CCSER1: variants seen among roughly 807,000 people sequenced by gnomAD.
CCSER1 encodes the protein serine-rich coiled-coil domain-containing protein 1.
Under a neutral mutation model 82.0 loss-of-function variants are expected in CCSER1, and 41 were observed. That is an observed-to-expected ratio of 0.50 (90% CI 0.39 to 0.65). The LOEUF (loss-of-function observed/expected upper bound fraction) is 0.65. Ranked by LOEUF, CCSER1 falls within the 30% of genes least tolerant of loss-of-function variation. The pLI, the probability that CCSER1 is intolerant of heterozygous loss-of-function variation, is 0.00. For synonymous variants in CCSER1, 414 were observed against 383.9 expected (o/e 1.08, Z -0.92); for missense variants, 1,119 against 1,064.2 (o/e 1.05, Z -0.72).
Position 91,302,122 on chromosome 4 carries a change from T to C in CCSER1, c.2217+216128T>C, listed in dbSNP as rs369052314. On this transcript the variant is annotated intron_variant, in intron 10 of 10. Transcript: ENST00000509176. ...AATTTGAATCACCAGTACTGACCTC[T>C]TCCCAAACTCTAGGCATATATTGAA... 1.5e-4 allele frequency among the ~76,000 whole-genome samples: 23 copies of C among 152,154 alleles called. No individual in the cohort carries two copies. The East Asian group carries it at 4.5e-3, about 30-fold the overall frequency.
intron 1 of CCSER1, among the ~76,000 whole-genome samples, chr4:90,149,538 T>A (rs1042892033): frequency 7.9e-5 from 12 of 152,124 alleles, no homozygotes; most frequent in African/African-American, 2.9e-4. Context: ...TCTAAGACAA[T>A]CTCAACATTC....
chr4:91,038,575 A>C (rs1008834727), intron 9 of CCSER1, among the ~76,000 whole-genome samples: 2 of 152,202 alleles, frequency 1.3e-5, no homozygotes, highest in African/African-American at 2.4e-5. Flanking sequence ...ACAACAATTA[A>C]TTTTAATGAC....
At chr4:91,331,937 T>C (rs1222975251) in intron 10 of CCSER1, among the ~76,000 whole-genome samples, 1 of 152,124 alleles carries the variant, frequency 6.6e-6, no homozygotes, top group African/African-American at 2.4e-5. Flanking sequence ...AACAAAGCTG[T>C]TTTCATCACC....
At position 90,651,547 on chromosome 4, in the gene CCSER1, G is replaced by T. The variant is rs1728741621; in HGVS notation, c.1932+23315G>T. 2.0e-5 allele frequency among the ~76,000 whole-genome samples: 3 copies of T among 152,226 alleles called. 1 individual carries two copies. The South Asian group carries it at 6.2e-4, about 32-fold the overall frequency. On this transcript the variant is annotated intron_variant, in intron 6 of 10. Transcript: ENST00000509176. Reference sequence around the variant, plus strand: ...CACACCGGGGTCTGTCAGGTGGTGGGGGATAGGGGAGGGATAGCATTAGGA... The same window carrying T: ...CACACCGGGGTCTGTCAGGTGGTGGTGGATAGGGGAGGGATAGCATTAGGA...
At chr4:90,830,524 GATGGTT>G (rs1435590320) in intron 8 of CCSER1, among the ~76,000 whole-genome samples, 1 of 152,136 alleles carries the variant, frequency 6.6e-6, no homozygotes, top group Non-Finnish European at 1.5e-5. Flanking sequence ...CAGTCAATTT[GATGGTT>G]ATGGGGATTT....
At chr4:90,912,658 GA>G (rs1183643731) in intron 8 of CCSER1, among the ~76,000 whole-genome samples, 2 of 152,200 alleles carry the variant, frequency 1.3e-5, no homozygotes, top group African/African-American at 4.8e-5. Context: ...GACGAGCTGA[GA>G]GAAGAAGGCT....
intron 1 of CCSER1, among the ~76,000 whole-genome samples, chr4:90,148,564 G>C (rs748856416): frequency 9.2e-5 from 14 of 152,140 alleles, no homozygotes; most frequent in Non-Finnish European, 1.3e-4. Context: ...AGAAGGATCA[G>C]AGAGATAGGA....
At chr4:91,456,096 C>A (rs1756152573) in intron 10 of CCSER1, among the ~76,000 whole-genome samples, 1 of 152,002 alleles carries the variant, frequency 6.6e-6, no homozygotes, top group Admixed American at 6.6e-5. Context: ...TTATTTCTCC[C>A]AGTTCTGGAG....
intron 9 of CCSER1, among the ~76,000 whole-genome samples, chr4:90,954,275 G>A (rs553703986): frequency 3.3e-5 from 5 of 151,988 alleles, no homozygotes; most frequent in Non-Finnish European, 5.9e-5. Flanking sequence ...AAAAGATTCT[G>A]TAATACAATT....
At chr4:90,810,814 G>C (rs1002349446) in intron 7 of CCSER1, among the ~76,000 whole-genome samples, 1 of 150,172 alleles carries the variant, frequency 6.7e-6, no homozygotes, top group African/African-American at 2.4e-5. Flanking sequence ...AATCTTTCTA[G>C]TGAAATAAAG....
intron 8 of CCSER1, among the ~76,000 whole-genome samples, chr4:90,892,885 C>A (rs1717485120): frequency 6.6e-6 from 1 of 151,884 alleles, no homozygotes; most frequent in Non-Finnish European, 1.5e-5. Context: ...ATGAATTTTT[C>A]TTTTCTTTGT....
At chr4:90,666,236 A>G (rs1053077141) in intron 6 of CCSER1, among the ~76,000 whole-genome samples, 9 of 152,318 alleles carry the variant, frequency 5.9e-5, no homozygotes, top group South Asian at 2.1e-4. Context: ...TGGATAATCT[A>G]TTTTAAAGTT....
intron 10 of CCSER1, among the ~76,000 whole-genome samples, chr4:91,190,545 C>A (rs753034895): frequency 6.6e-6 from 1 of 152,030 alleles, no homozygotes; most frequent in Non-Finnish European, 1.5e-5. Flanking sequence ...TTCCACAAAG[C>A]CTGACTTTCA....
intron 9 of CCSER1, among the ~76,000 whole-genome samples, chr4:91,047,725 C>T (rs73834747): frequency 0.044 from 6,637 of 152,140 alleles, 435 homozygotes; most frequent in African/African-American, 0.14. Flanking sequence ...AGTTCTTATT[C>T]TCAGAGGCCA....
In CCSER1 at chr4:90,399,757, G is replaced by A. The variant is rs1219834137; in HGVS notation, c.1510-279G>A. 4.6e-5 allele frequency among the ~76,000 whole-genome samples: 7 copies of A among 151,744 alleles called. No individual in the cohort carries two copies. In the East Asian group the frequency reaches 1.2e-3, roughly 25 times the overall value. ...TAATATCTTTCATATCTGCCCATAT[G>A]TACTTCCATTTAATTATAAGTTACA... is the stretch of plus-strand genomic sequence containing the variant. On this transcript the variant is annotated intron_variant, in intron 3 of 10. Transcript: ENST00000509176.
chr4:91,554,521 T>A (rs1011511397), intron 10 of CCSER1, among the ~76,000 whole-genome samples: 1 of 151,142 alleles, frequency 6.6e-6, no homozygotes, highest in African/African-American at 2.4e-5. Context: ...CACTGAACAC[T>A]GAAAAACATT....
intron 1 of CCSER1, among the ~76,000 whole-genome samples, chr4:90,140,961 G>A (rs937044944): frequency 9.9e-5 from 15 of 151,738 alleles, no homozygotes; most frequent in African/African-American, 2.9e-4. Context: ...CACCGCGCCC[G>A]GCCTTGGTCT....
At chr4:91,470,961 A>G (rs1478126248) in intron 10 of CCSER1, among the ~76,000 whole-genome samples, 1 of 152,198 alleles carries the variant, frequency 6.6e-6, no homozygotes, top group Non-Finnish European at 1.5e-5. Flanking sequence ...AATGTATATG[A>G]TGCAAATGTG....
At chr4:91,482,993 AAATGAGGAGTT>A (rs1329534026) in intron 10 of CCSER1, among the ~76,000 whole-genome samples, 29 of 152,222 alleles carry the variant, frequency 1.9e-4, no homozygotes, top group East Asian at 1.7e-3. Flanking sequence ...TACCTAATGT[AAATGAGGAGTT>A]AATGGGTGCA....
Sources: gnomAD v4.1 joint callset for allele counts (sites outside exome capture counted in the v4.1 genomes callset) on GRCh38, gnomAD v4.1.1 for gene constraint, MANE v1.5 for transcripts, NCBI Gene and HGNC (gene_info 2026-07-23, HGNC 2026-07-21) for gene names.